The following SERTAD2 variants were observed in gnomAD, a reference collection of about 807,000 sequenced individuals.
SERTAD2 encodes SERTA domain containing 2.
Under a neutral mutation model 15.4 loss-of-function variants are expected in SERTAD2, and 2 were observed. The observed-to-expected ratio is 0.13, with a 90% CI of 0.05 to 0.41. The LOEUF (loss-of-function observed/expected upper bound fraction) is 0.41, where lower values mean the gene tolerates loss of function less well. Among genes scored for constraint, SERTAD2 ranks in the 10% least tolerant of loss-of-function variants. The pLI, the probability that SERTAD2 is intolerant of heterozygous loss-of-function variation, is 0.99. For synonymous variants in SERTAD2, 180 were observed against 178.0 expected, an observed-to-expected ratio of 1.01 and a Z score of -0.09; for missense variants, 333 against 409.7, an observed-to-expected ratio of 0.81 and a Z score of 1.62.
chr2:64,640,271 G>C (rs1218386102), intron 1 of SERTAD2, among the ~76,000 whole-genome samples: 1 of 152,202 alleles, frequency 6.6e-6, no homozygotes, highest in Non-Finnish European at 1.5e-5. Context: ...TCCTAGAGGG[G>C]GAGGGCAGTG....
intron 1 of SERTAD2, chr2:64,646,651 A>G (rs1418871177): frequency 6.6e-6 from 1 of 152,238 alleles, no homozygotes; most frequent in Non-Finnish European, 1.5e-5. Flanking sequence ...CTGCTAAGCA[A>G]GCTGGGAGCT....
At chr2:64,641,149 T>C (rs1349491737) in intron 1 of SERTAD2, among the ~76,000 whole-genome samples, 5 of 152,250 alleles carry the variant, frequency 3.3e-5, no homozygotes, top group Non-Finnish European at 5.9e-5. Context: ...ACTCTGTACA[T>C]GAAAACTAGT....
rs781333803 is a variant in SERTAD2, at chr2:64,633,289, G to C, written c.*2638C>G. 6.6e-6 allele frequency: 1 copy of C among 152,184 alleles called. No individual in the cohort carries two copies. Among genetic ancestry groups the C allele is most frequent in the East Asian group, 1.9e-4 (1 of 5,204 alleles). 9.4% of individuals were successfully genotyped at this position (152,184 alleles called of 1,614,324 possible). On this transcript the variant is annotated 3_prime_UTR_variant, in exon 2 of 2. Coordinates refer to ENST00000313349, the MANE Select transcript of SERTAD2 (RefSeq NM_014755.3). The stretch of plus-strand genomic sequence containing the variant: ...TGTCAGAGTTAAAAAGCATTTGCCT[G>C]CTGTTTTTGGGGTTTTTGTTTTGAT...
At chr2:64,638,785 T>C (rs1674714025) in intron 1 of SERTAD2, among the ~76,000 whole-genome samples, 1 of 152,262 alleles carries the variant, frequency 6.6e-6, no homozygotes, top group Admixed American at 6.5e-5. Context: ...AGTTGGTTTG[T>C]CTAATACTTC....
At chr2:64,637,857 G>T (rs1386906990) in intron 1 of SERTAD2, among the ~76,000 whole-genome samples, 2 of 152,214 alleles carry the variant, frequency 1.3e-5, no homozygotes, top group Non-Finnish European at 2.9e-5. Context: ...TCTGGCCTTA[G>T]TGAATACATT....
At chr2:64,640,605 G>A (rs185899479) in intron 1 of SERTAD2, among the ~76,000 whole-genome samples, 2 of 152,134 alleles carry the variant, frequency 1.3e-5, no homozygotes, top group African/African-American at 4.8e-5. Context: ...AGCTAAGGAC[G>A]TGTAGGTGAC....
chr2:64,644,660 AG>A (rs1268254824), intron 1 of SERTAD2: 7 of 152,340 alleles, frequency 4.6e-5, no homozygotes, highest in Admixed American at 2.0e-4. Flanking sequence ...TCCTCCCCCA[AG>A]GAACAATAAA....
At chr2:64,651,788 C>T (rs904560570) in intron 1 of SERTAD2, among the ~76,000 whole-genome samples, 3 of 152,174 alleles carry the variant, frequency 2.0e-5, no homozygotes, top group South Asian at 4.1e-4. Context: ...ACAATAAAAC[C>T]GTTCCCTAGG....
intron 1 of SERTAD2, among the ~76,000 whole-genome samples, chr2:64,648,284 C>G (rs1212094245): frequency 1.3e-5 from 2 of 152,232 alleles, no homozygotes; most frequent in East Asian, 3.9e-4. Flanking sequence ...ATTAGGTAGG[C>G]TAATAAGGTT....
At chr2:64,647,729 T>C (rs1360915915) in intron 1 of SERTAD2, among the ~76,000 whole-genome samples, 1 of 150,210 alleles carries the variant, frequency 6.7e-6, no homozygotes. Context: ...AACAGGGAAA[T>C]ATAAGGTTTT....
At chr2:64,639,744 A>G (rs935044865) in intron 1 of SERTAD2, among the ~76,000 whole-genome samples, 1 of 152,256 alleles carries the variant, frequency 6.6e-6, no homozygotes, top group Admixed American at 6.5e-5. Context: ...GCAAAATATT[A>G]TAGGCATTTA....
Position 64,636,053 on chromosome 2 carries a change from A to C in SERTAD2, c.819T>G (p.Pro273=). Reference sequence around the variant, plus strand: ...TTTTGAGGAGGTCGTCGGCAGACACAGGGGCCATTTTTGAGGCTGTCCCTG... The same window carrying C: ...TTTTGAGGAGGTCGTCGGCAGACACCGGGGCCATTTTTGAGGCTGTCCCTG... ...SSSGTASKMA[P]VSADDLLKTL... is the part of the protein sequence containing the mutation. Residue 273 remains proline, a synonymous_variant, in exon 2 of 2, where the codon CCT becomes CCG. Coordinates refer to ENST00000313349, the MANE Select transcript of SERTAD2 (RefSeq NM_014755.3). 1 of 1,614,076 alleles carries C rather than the reference A, an allele frequency of 6.2e-7. No homozygotes were observed. Among genetic ancestry groups the C allele is most frequent in the Non-Finnish European group, 8.5e-7 (1 of 1,179,980 alleles).
intron 1 of SERTAD2, among the ~76,000 whole-genome samples, chr2:64,643,075 G>C (rs1008222085): frequency 1.3e-5 from 2 of 152,210 alleles, no homozygotes. Flanking sequence ...CAAAGATTGA[G>C]TGGAGACACC....
At position 64,635,368 on chromosome 2, in the gene SERTAD2, AC is replaced by A. The variant is rs1674635238; in HGVS notation, c.*558del. ...CAATATCATAAACTGCAGAATCTGT[AC>A]AAAAATATAAAATAAATTTGGGCAG... On this transcript the variant is annotated 3_prime_UTR_variant, in exon 2 of 2. Transcript: ENST00000313349. 1 of 152,772 alleles carries A rather than the reference AC, an allele frequency of 6.5e-6. No individual in the cohort carries two copies. Among genetic ancestry groups the A allele is most frequent in the Non-Finnish European group, 1.5e-5 (1 of 68,134 alleles). The allele number at this position is 152,772 out of a possible 1,614,324, so 9.5% of individuals were successfully genotyped here.
At chr2:64,638,872 T>C (rs993551217) in intron 1 of SERTAD2, among the ~76,000 whole-genome samples, 3 of 152,230 alleles carry the variant, frequency 2.0e-5, no homozygotes, top group Admixed American at 6.5e-5. Flanking sequence ...ACATTTCCTA[T>C]CTAAAGTATC....
intron 1 of SERTAD2, among the ~76,000 whole-genome samples, chr2:64,645,163 G>C (rs1674872454): frequency 6.6e-6 from 1 of 152,132 alleles, no homozygotes; most frequent in South Asian, 2.1e-4. Flanking sequence ...TATAAAGCCA[G>C]TCACTAGATC....
chr2:64,641,019 A>G (rs1674765076), intron 1 of SERTAD2, among the ~76,000 whole-genome samples: 1 of 152,240 alleles, frequency 6.6e-6, no homozygotes, highest in Non-Finnish European at 1.5e-5. Context: ...TTTTCTAAAC[A>G]TTAATTTTAA....
intron 1 of SERTAD2, among the ~76,000 whole-genome samples, chr2:64,649,770 T>G (rs1186664840): frequency 6.6e-6 from 1 of 152,210 alleles, no homozygotes; most frequent in Non-Finnish European, 1.5e-5. Context: ...CTATAGCAGT[T>G]GCACAGTCAG....
At chr2:64,640,823 G>A (rs972281087) in intron 1 of SERTAD2, among the ~76,000 whole-genome samples, 3 of 152,266 alleles carry the variant, frequency 2.0e-5, no homozygotes, top group Non-Finnish European at 4.4e-5. Context: ...GCTCCAGGGC[G>A]GGGTTGGAGA....
Sources: allele counts gnomAD v4.1 joint callset (sites outside exome capture counted in the v4.1 genomes callset), GRCh38; gene constraint gnomAD v4.1.1; transcripts MANE v1.5; gene names NCBI Gene and HGNC (gene_info 2026-07-23, HGNC 2026-07-21).